Variants in NTAN1 observed in about 807,000 individuals in gnomAD.
NTAN1 encodes N-terminal asparagine amidase, also known as protein N-terminal asparagine amidohydrolase.
In NTAN1, 32 loss-of-function variants were observed where a neutral mutation model predicts 41.9. The ratio of observed to expected loss-of-function variants is 0.76; its 90% confidence interval spans 0.58 to 1.03. NTAN1 has a LOEUF of 1.03. NTAN1 is among the 50% of genes least tolerant of loss of function. The pLI is 0.00. For missense variants in NTAN1, 377 were observed against 377.5 expected, an observed-to-expected ratio of 1.00 and a Z score of 0.01; for synonymous variants, 140 against 139.5, an observed-to-expected ratio of 1.00 and a Z score of -0.03.
chr16:15,055,598 G>T, intron 1 of NTAN1: 1 of 292,724 alleles, frequency 3.4e-6, no homozygotes, highest in Non-Finnish European at 6.3e-6. Context: ...CGGGGAATGG[G>T]GGTCCCGGCG....
intron 1 of NTAN1, among the ~76,000 whole-genome samples, chr16:15,050,678 G>A (rs1240321543): frequency 6.6e-6 from 1 of 151,842 alleles, no homozygotes; most frequent in East Asian, 1.9e-4. Flanking sequence ...GCTGCAGCGA[G>A]CCATGATTGC....
Position 15,038,662 on chromosome 16 carries a change from G to C in NTAN1, c.665C>G (p.Thr222Arg), listed in dbSNP as rs774584400. 4 of 1,593,628 alleles carry C rather than the reference G, an allele frequency of 2.5e-6. No individual in the cohort carries two copies. Among genetic ancestry groups the C allele is most frequent in the Middle Eastern group, 3.3e-4 (2 of 6,024 alleles). ...GTACGGTCCTATACGAAGTTGTTCT[G>C]TCTCTGCATCATAAATGCTAATCAT... ...GPMISIYDAETEQLRIGPYSW... is the reference protein window; with the variant it reads ...GPMISIYDAEREQLRIGPYSW... The change falls in exon 9 of 10, where the codon ACA becomes AGA. Residue 222 changes from threonine to arginine, a missense_variant. Thr to Arg is a moderately conservative substitution (Grantham distance 71). Transcript: ENST00000287706.
rs747661909 is a variant in NTAN1 at position 15,038,007 on chromosome 16, G to GCTTT, written c.*20_*23dup. The GCTTT allele has an allele frequency of 2.5e-6, 4 of 1,587,146 alleles. No homozygotes were observed. The highest frequency in any genetic ancestry group is 1.3e-5 in the African/African-American group (1 of 74,170). Reference sequence around the variant, plus strand: ...CAATGGTCTGTCAGGCCAAGAAGGTGCTTTCTTTGGTAATTCATGTTTTTT... The same window carrying GCTTT: ...CAATGGTCTGTCAGGCCAAGAAGGTGCTTTCTTTCTTTGGTAATTCATGTTTTTT... On this transcript the variant is annotated 3_prime_UTR_variant, in exon 10 of 10. Transcript: ENST00000287706.
intron 1 of NTAN1, among the ~76,000 whole-genome samples, chr16:15,052,809 A>T (rs900330949): frequency 6.6e-6 from 1 of 152,108 alleles, no homozygotes; most frequent in Non-Finnish European, 1.5e-5. Context: ...TGGGTGACAG[A>T]GCAAGGCTCT....
chr16:15,044,722 A>G (rs2043975249), intron 4 of NTAN1: 1 of 366,784 alleles, frequency 2.7e-6, no homozygotes, highest in Non-Finnish European at 5.0e-6. Context: ...AGTGGCTCAC[A>G]TCTGTAATCC....
intron 1 of NTAN1, among the ~76,000 whole-genome samples, chr16:15,055,494 G>T (rs772107679): frequency 6.6e-6 from 1 of 152,224 alleles, no homozygotes; most frequent in African/African-American, 2.4e-5. Flanking sequence ...ACGCAAGGAC[G>T]AAGCAACGTT....
chr16:15,055,409 G>A (rs954182236), intron 1 of NTAN1, among the ~76,000 whole-genome samples: 12 of 152,322 alleles, frequency 7.9e-5, no homozygotes, highest in Admixed American at 5.2e-4. Context: ...AGGAAGGACT[G>A]GGGGTCCCCG....
At position 15,044,344 on chromosome 16, in the gene NTAN1, ATGAG is replaced by A. The variant is rs770970170; in HGVS notation, c.419_422del (p.Thr140IlefsTer16). The A allele has an allele frequency of 1.2e-6, 2 of 1,609,166 alleles. No individual in the cohort carries two copies. Among genetic ancestry groups the A allele is most frequent in the Non-Finnish European group, 1.7e-6 (2 of 1,175,588 alleles). On this transcript the variant is annotated frameshift_variant, in exon 5 of 10. Coordinates refer to ENST00000287706, the MANE Select transcript of NTAN1 (RefSeq NM_173474.4). LOFTEE classifies it high-confidence loss of function. ...AAAAAATGAACTTACTAAGAAGTTG[ATGAG>A]TGAGTTTTTGTGACAACTGCCTGTC...
intron 6 of NTAN1, 86 bp from the exon 7 acceptor site, chr16:15,041,207 GCTC>G: frequency 2.3e-6 from 2 of 884,388 alleles, no homozygotes; most frequent in Non-Finnish European, 3.8e-6. Context: ...CGAAGGAGGA[GCTC>G]CTCGATGCAG....
chr16:15,047,494 G>A lies in NTAN1; in HGVS notation c.307C>T (p.Pro103Ser). The A allele has an allele frequency of 6.2e-7, 1 of 1,614,020 alleles. No homozygotes were observed. Among genetic ancestry groups the A allele is most frequent in the Non-Finnish European group, 8.5e-7 (1 of 1,179,904 alleles). ...CDGTDTKAEV[P>S]LIMNSIKSFS... ...GATTTTATGGAGTTCATGATCAAGG[G>A]GACCTCAGCTTTGGTGTCGGTTCCG... Residue 103 changes from proline to serine, a missense_variant, in exon 4 of 10, where the codon CCC becomes TCC. Pro to Ser is a moderately conservative substitution (Grantham distance 74). Coordinates refer to ENST00000287706, the MANE Select transcript of NTAN1 (RefSeq NM_173474.4).
At position 15,038,018 on chromosome 16, in the gene NTAN1, T is replaced by TAATTCATGTTTTTTAACTTCC; in HGVS notation, c.925_*12dup. ...CAGGCCAAGAAGGTGCTTTCTTTGG[T>TAATTCATGTTTTTTAACTTCC]AATTCATGTTTTTTAACTTCCTGGA... On this transcript the variant is annotated 3_prime_UTR_variant, in exon 10 of 10. Transcript: ENST00000287706. 6.2e-7 allele frequency: 1 copy of TAATTCATGTTTTTTAACTTCC among 1,603,800 alleles called. No individual in the cohort carries two copies. The highest frequency in any genetic ancestry group is 8.5e-7 in the Non-Finnish European group (1 of 1,174,068).
At chr16:15,048,327 G>C (rs2044160732) in intron 1 of NTAN1, among the ~76,000 whole-genome samples, 1 of 152,154 alleles carries the variant, frequency 6.6e-6, no homozygotes, top group Non-Finnish European at 1.5e-5. Context: ...CTATGAAATC[G>C]GATGTCATAG....
intron 4 of NTAN1, 32 bp from the exon 5 acceptor site, chr16:15,044,439 G>T (rs770557685): frequency 6.9e-7 from 1 of 1,454,732 alleles, no homozygotes; most frequent in South Asian, 1.1e-5. Context: ...TCAGAGGCCA[G>T]AAGAAGACAC....
At chr16:15,049,451 C>CA (rs2044213103) in intron 1 of NTAN1, among the ~76,000 whole-genome samples, 2 of 147,888 alleles carry the variant, frequency 1.4e-5, no homozygotes, top group East Asian at 4.0e-4. Flanking sequence ...TTTTTTGAGA[C>CA]AGAGTCTCGC....
Position 15,043,538 on chromosome 16 carries a change from A to G in NTAN1, c.433+796T>C, listed in dbSNP as rs552112502. On this transcript the variant is annotated intron_variant, in intron 5 of 9. Transcript: ENST00000287706. ...GCCTGAGTGGCAGAGTGAGGCCTTC[A>G]GTCATGATGCCAAATTGCTTCCCAG... Among the ~76,000 whole-genome samples the G allele has an allele frequency of 2.0e-5, 3 of 152,332 alleles. No homozygotes were observed. In the South Asian group the frequency reaches 6.2e-4, roughly 32 times the overall value.
intron 1 of NTAN1, among the ~76,000 whole-genome samples, chr16:15,052,133 G>C (rs918793159): frequency 2.0e-5 from 3 of 152,070 alleles, no homozygotes; most frequent in Non-Finnish European, 4.4e-5. Flanking sequence ...GTAAATATTT[G>C]GGGTTCTACA....
chr16:15,041,031 C>A (rs764829517), intron 7 of NTAN1, 37 bp downstream of exon 7: 33 of 1,460,238 alleles, frequency 2.3e-5, no homozygotes, highest in Middle Eastern at 1.7e-4. Flanking sequence ...GCACATGTGA[C>A]CAAGACTCCA....
At chr16:15,044,104 C>G (rs2043946311) in intron 5 of NTAN1, among the ~76,000 whole-genome samples, 1 of 152,156 alleles carries the variant, frequency 6.6e-6, no homozygotes, top group Admixed American at 6.5e-5. Context: ...AATGTGTTCA[C>G]TGCTGTTTTA....
chr16:15,038,629 G>A lies in NTAN1; in HGVS notation c.698C>T (p.Thr233Ile). Residue 233 changes from threonine to isoleucine, a missense_variant, in exon 9 of 10, where the codon ACA (threonine) becomes ATA (isoleucine). By Grantham distance (89) the Thr-to-Ile change is moderately conservative (BLOSUM62 -1). Coordinates refer to ENST00000287706, the MANE Select transcript of NTAN1 (RefSeq NM_173474.4). ...CCAGAAATCCACATGTGGAAATGGTGTCCAGGAGTACGGTCCTATACGAAG... is the reference window on the plus strand; with the variant it reads ...CCAGAAATCCACATGTGGAAATGGTATCCAGGAGTACGGTCCTATACGAAG... ...EQLRIGPYSW[T>I]PFPHVDFWLH... 6.2e-7 allele frequency: 1 copy of A among 1,610,150 alleles called. No homozygotes were observed. Among genetic ancestry groups the A allele is most frequent in the Non-Finnish European group, 8.5e-7 (1 of 1,176,548 alleles).
Sources: allele counts gnomAD v4.1 joint callset (sites outside exome capture counted in the v4.1 genomes callset), GRCh38; gene constraint gnomAD v4.1.1; transcripts MANE v1.5; gene names NCBI Gene and HGNC (gene_info 2026-07-23, HGNC 2026-07-21).